PNKD: variants seen among roughly 807,000 people sequenced by gnomAD.
PNKD encodes PNKD metallo-beta-lactamase domain containing.
In PNKD, 36 loss-of-function variants were observed where a neutral mutation model predicts 45.3. That is an observed-to-expected ratio of 0.80 (90% confidence interval 0.61 to 1.05). The LOEUF is 1.05. Ranked by LOEUF, PNKD falls within the 50% of genes least tolerant of loss-of-function variation. The pLI, the probability that PNKD is intolerant of heterozygous loss-of-function variation, is 0.00. For missense variants in PNKD, 511 were observed against 506.6 expected, an observed-to-expected ratio of 1.01 and a Z score of -0.08; for synonymous variants, 197 against 210.1, an observed-to-expected ratio of 0.94 and a Z score of 0.54.
At chr2:218,320,994 A>G (rs554094257) in intron 2 of PNKD, among the ~76,000 whole-genome samples, 2 of 151,798 alleles carry the variant, frequency 1.3e-5, no homozygotes, top group East Asian at 1.9e-4. Context: ...ACTCACCCTC[A>G]CTCCTTTTCC....
intron 2 of PNKD, among the ~76,000 whole-genome samples, chr2:218,323,617 G>A (rs1333390483): frequency 6.7e-6 from 1 of 148,286 alleles, no homozygotes; most frequent in Non-Finnish European, 1.5e-5. Flanking sequence ...GATTTGGGGG[G>A]CTGGACAATT....
At position 218,313,361 on chromosome 2, in the gene PNKD, T is replaced by C. The variant is rs536244342; in HGVS notation, c.237-26422T>C. Among the ~76,000 whole-genome samples the C allele has an allele frequency of 9.8e-5, 15 of 152,320 alleles. No individual in the cohort carries two copies. The Middle Eastern group carries it at 0.014, about 138-fold the overall frequency. ...CCTGACCTCAGGTGATCCACCTGCC[T>C]CAGCCTCCCAAAGTACTGGGAGTAC... is the stretch of plus-strand genomic sequence containing the variant. On this transcript the variant is annotated intron_variant, in intron 2 of 9. Coordinates refer to ENST00000273077, the MANE Select transcript of PNKD (RefSeq NM_015488.5).
At chr2:218,323,036 C>T (rs1694033095) in intron 2 of PNKD, 1 of 406,660 alleles carries the variant, frequency 2.5e-6, no homozygotes, top group Non-Finnish European at 3.4e-6. Context: ...GCCCCGCCTC[C>T]TGGCCGCCAG....
intron 2 of PNKD, among the ~76,000 whole-genome samples, chr2:218,331,907 A>G (rs1302264695): frequency 6.6e-6 from 1 of 152,116 alleles, no homozygotes; most frequent in African/African-American, 2.4e-5. Flanking sequence ...CAGTTTTCCA[A>G]GGTCTGAGTA....
At chr2:218,278,262 G>A (rs778201867) in intron 2 of PNKD, 32 of 603,952 alleles carry the variant, frequency 5.3e-5, no homozygotes, top group Admixed American at 4.4e-4. Context: ...TTTGAGCCTC[G>A]GGTTCTTCCT....
Position 218,342,231 on chromosome 2 carries a change from C to T in PNKD, c.781+87C>T, listed in dbSNP as rs140986447. 2.3e-3 allele frequency: 2,644 copies of T among 1,141,346 alleles called. 50 individuals carry two copies. The African/African-American group carries it at 0.035, about 15-fold the overall frequency. The allele number at this position is 1,141,346 out of a possible 1,614,324, so 70.7% of individuals were successfully genotyped here. A position where few individuals can be genotyped will look rare whatever the true frequency, so the allele number is the denominator to read the frequency against. The stretch of plus-strand genomic sequence containing the variant: ...CACAGTCCCATGGAGAGCACTGAAG[C>T]CTTAGTTTTAGCACAGATGTTGCCG... On this transcript the variant is annotated intron_variant, in intron 7 of 9. Coordinates refer to ENST00000273077, the MANE Select transcript of PNKD (RefSeq NM_015488.5).
chr2:218,283,742 A>G (rs1014477916), intron 2 of PNKD, among the ~76,000 whole-genome samples: 9 of 152,168 alleles, frequency 5.9e-5, no homozygotes, highest in African/African-American at 2.2e-4. Flanking sequence ...AGAGAGGGGA[A>G]GGTGGCAGGG....
intron 2 of PNKD, chr2:218,278,339 C>T (rs768077097): frequency 1.8e-4 from 120 of 673,664 alleles, no homozygotes; most frequent in Non-Finnish European, 2.7e-4. Context: ...CTAGTTAGCT[C>T]CTAAACACAC....
intron 2 of PNKD, among the ~76,000 whole-genome samples, chr2:218,273,927 T>C (rs911804396): frequency 2.6e-5 from 4 of 152,194 alleles, no homozygotes; most frequent in Admixed American, 2.6e-4. Context: ...TCTCATGAGC[T>C]TTTGGAAAGG....
intron 2 of PNKD, chr2:218,286,697 G>C (rs995078307): frequency 1.9e-4 from 29 of 152,294 alleles, no homozygotes; most frequent in Admixed American, 1.4e-3. Context: ...GGCTCTCCTG[G>C]GGGTATTTGA....
intron 2 of PNKD, among the ~76,000 whole-genome samples, chr2:218,335,859 C>G (rs113498664): frequency 0.018 from 2,757 of 152,286 alleles, 31 homozygotes; most frequent in South Asian, 0.046. Flanking sequence ...AATCAGCTAG[C>G]TCTCCCCTTA....
intron 2 of PNKD, among the ~76,000 whole-genome samples, chr2:218,295,168 G>A (rs1693112093): frequency 6.6e-6 from 1 of 152,224 alleles, no homozygotes; most frequent in African/African-American, 2.4e-5. Flanking sequence ...GCCCAGAGCA[G>A]CAGTGCTTCG....
chr2:218,326,078 A>C lies in PNKD; in HGVS notation c.237-13705A>C, dbSNP rs1694147945. ...AAGGATGGGGAGGGAGGGGGAACGG[A>C]ATGGGACAGGACATGATGGGGAGGG... On this transcript the variant is annotated intron_variant, in intron 2 of 9. Transcript: ENST00000273077. The surrounding 1 kb of genome is among the most constrained non-coding windows in gnomAD (Gnocchi z 4.1). Among the ~76,000 whole-genome samples the C allele has an allele frequency of 6.6e-6, 1 of 151,470 alleles. No homozygotes were observed. The highest frequency in any genetic ancestry group is 6.6e-5 in the Admixed American group (1 of 15,188).
intron 2 of PNKD, among the ~76,000 whole-genome samples, chr2:218,291,073 G>A (rs1692899142): frequency 6.6e-6 from 1 of 152,174 alleles, no homozygotes; most frequent in Admixed American, 6.5e-5. Context: ...ACAGCGTCTG[G>A]CTGAGGCACC....
At chr2:218,294,084 A>G (rs190244518) in intron 2 of PNKD, among the ~76,000 whole-genome samples, 3 of 152,198 alleles carry the variant, frequency 2.0e-5, no homozygotes, top group African/African-American at 7.2e-5. Flanking sequence ...CCAACCCTTC[A>G]GTGTACTTCC....
chr2:218,274,106 T>G (rs1446776282), intron 2 of PNKD: 1 of 154,902 alleles, frequency 6.5e-6, no homozygotes, highest in Non-Finnish European at 1.5e-5. Context: ...TTTGATTACC[T>G]TGGAAAAGGT....
chr2:218,309,226 T>G (rs1175355136), intron 2 of PNKD, among the ~76,000 whole-genome samples: 1 of 151,624 alleles, frequency 6.6e-6, no homozygotes, highest in African/African-American at 2.4e-5. Context: ...AAGACCAGCC[T>G]GGCCAACATG....
intron 2 of PNKD, chr2:218,279,184 G>A: frequency 6.3e-7 from 1 of 1,583,476 alleles, no homozygotes; most frequent in Non-Finnish European, 8.6e-7. Flanking sequence ...TTCTCTAATT[G>A]CCCATGGTCA....
chr2:218,273,174 A>G (rs1371195928), intron 2 of PNKD, among the ~76,000 whole-genome samples: 1 of 152,252 alleles, frequency 6.6e-6, no homozygotes, highest in Non-Finnish European at 1.5e-5. Context: ...AAGAGAATCA[A>G]AGAAGGTATT....
Sources: gnomAD v4.1 joint callset for allele counts (sites outside exome capture counted in the v4.1 genomes callset) on GRCh38, gnomAD v4.1.1 for gene constraint, Gnocchi (gnomAD v3.1) non-coding constraint, MANE v1.5 for transcripts, NCBI Gene and HGNC (gene_info 2026-07-23, HGNC 2026-07-21) for gene names.